The following MICAL3 variants were observed in gnomAD, a reference collection of about 807,000 sequenced individuals.
The protein encoded by MICAL3 is [F-actin]-monooxygenase MICAL3.
Under a neutral mutation model 207.4 loss-of-function variants are expected in MICAL3, and 62 were observed. That is an observed-to-expected ratio of 0.30 (90% confidence interval 0.24 to 0.37). The LOEUF is 0.37. MICAL3 is among the 10% of genes least tolerant of loss of function. MICAL3 has a pLI of 1.00. For synonymous variants in MICAL3, 1,077 were observed against 1,069.3 expected, an observed-to-expected ratio of 1.01 and a Z score of -0.14; for missense variants, 2,368 against 2,635.6, an observed-to-expected ratio of 0.90 and a Z score of 2.22.
At chr22:17,907,220 G>C (rs530414800) in intron 1 of MICAL3, among the ~76,000 whole-genome samples, 9 of 151,806 alleles carry the variant, frequency 5.9e-5, no homozygotes, top group Non-Finnish European at 8.8e-5. Context: ...GGTGGTGAAG[G>C]GGGGGGGTCC....
chr22:17,969,001 T>C (rs1264462334), intron 1 of MICAL3, among the ~76,000 whole-genome samples: 2 of 152,152 alleles, frequency 1.3e-5, no homozygotes, highest in Non-Finnish European at 2.9e-5. Flanking sequence ...ATATGTAAAA[T>C]TCAATGACTT....
chr22:17,911,877 A>C (rs1203864265), intron 1 of MICAL3, among the ~76,000 whole-genome samples: 4 of 88,254 alleles, frequency 4.5e-5, no homozygotes, highest in Non-Finnish European at 7.9e-5. Context: ...ACACTTGATC[A>C]TATTTTCCCT....
Position 17,788,616 on chromosome 22 carries a change from AC to A in MICAL3, c.*2115del, listed in dbSNP as rs2061803623. 1 of 151,794 alleles carries A rather than the reference AC, an allele frequency of 6.6e-6. No individual in the cohort carries two copies. Among genetic ancestry groups the A allele is most frequent in the Non-Finnish European group, 1.5e-5 (1 of 67,980 alleles). 9.4% of individuals were successfully genotyped at this position (151,794 alleles called of 1,614,324 possible). A position where few individuals can be genotyped will look rare whatever the true frequency, so the allele number is the denominator to read the frequency against. On this transcript the variant is annotated 3_prime_UTR_variant, in exon 32 of 32. Transcript: ENST00000441493. ...TGGGGTTTGAAGATGGAATCTAGAA[AC>A]CCTCCTCTCCCCTTTTTTAAGTAAA...
At chr22:17,962,168 C>G (rs908917879) in intron 1 of MICAL3, among the ~76,000 whole-genome samples, 1 of 152,134 alleles carries the variant, frequency 6.6e-6, no homozygotes, top group Non-Finnish European at 1.5e-5. Flanking sequence ...GAGAGGAAAG[C>G]GAGACATCAT....
rs111442335 is a variant in MICAL3, at chr22:17,839,257, C to G, written c.2801+2565G>C. 2.2e-4 allele frequency among the ~76,000 whole-genome samples: 19 copies of G among 88,068 alleles called. No individual in the cohort carries two copies. The East Asian group carries it at 3.1e-3, about 15-fold the overall frequency. 57.8% of individuals were successfully genotyped at this position (88,068 alleles called of 152,430 possible). ...AGCTACCGCACCAGGCCGGGCTCTTCATTTTTTTTTTTTTTTTTGAGACGA... is the reference window on the plus strand; with the variant it reads ...AGCTACCGCACCAGGCCGGGCTCTTGATTTTTTTTTTTTTTTTTGAGACGA... On this transcript the variant is annotated intron_variant, in intron 20 of 31. Transcript: ENST00000441493.
intron 1 of MICAL3, chr22:18,006,536 TA>T (rs1923397636): frequency 6.6e-6 from 1 of 152,198 alleles, no homozygotes; most frequent in African/African-American, 2.4e-5. Context: ...ATTTTCAATT[TA>T]AAAAATATTT....
intron 17 of MICAL3, among the ~76,000 whole-genome samples, chr22:17,870,875 T>G (rs757328060): frequency 1.3e-5 from 2 of 152,208 alleles, no homozygotes; most frequent in Non-Finnish European, 2.9e-5. Flanking sequence ...GGCTCCTTCC[T>G]TGCTCCTTCT....
At chr22:17,962,265 T>C (rs1110663) in intron 1 of MICAL3, among the ~76,000 whole-genome samples, 1 of 151,396 alleles carries the variant, frequency 6.6e-6, no homozygotes, top group Non-Finnish European at 1.5e-5. Flanking sequence ...TGTCCTCAAC[T>C]GGGCAGGCAG....
chr22:17,818,436 CGGACGGGGACCGGGGGGTTGGCAG>C lies in MICAL3; in HGVS notation c.4201_4224del (p.Leu1401_Ser1408del). ...TCCTGGGCGCTGCGTAGCTCTCTGT[CGGACGGGGACCGGGGGGTTGGCAG>C]GGACAACGGCTCGCCTTCCGGCTTT... On this transcript the variant is annotated inframe_deletion, in exon 26 of 32. Coordinates refer to ENST00000441493, the MANE Select transcript of MICAL3 (RefSeq NM_015241.3). 6.2e-7 allele frequency: 1 copy of C among 1,612,716 alleles called. No individual in the cohort carries two copies. The highest frequency in any genetic ancestry group is 1.3e-5 in the African/African-American group (1 of 75,070).
rs1400051677 is a variant in MICAL3 at position 17,789,480 on chromosome 22, G to A, written c.*1252C>T. 1 of 152,248 alleles carries A rather than the reference G, an allele frequency of 6.6e-6. No homozygotes were observed. The highest frequency in any genetic ancestry group is 1.5e-5 in the Non-Finnish European group (1 of 68,058). 9.4% of individuals were successfully genotyped at this position (152,248 alleles called of 1,614,324 possible). ...CTGGGAGGGTGAGAGTGGCAGCTCT[G>A]CTGTTGGCCTGGCCCAAAACAGAAC... On this transcript the variant is annotated 3_prime_UTR_variant, in exon 32 of 32. Transcript: ENST00000441493.
intron 1 of MICAL3, among the ~76,000 whole-genome samples, chr22:17,972,396 T>C (rs1052749904): frequency 7.9e-5 from 12 of 152,082 alleles, no homozygotes; most frequent in African/African-American, 2.9e-4. Flanking sequence ...AAGTAGAAAC[T>C]GAAATCTGGA....
At position 17,817,375 on chromosome 22, in the gene MICAL3, G is replaced by A. The variant is rs772660627; in HGVS notation, c.5286C>T (p.Ser1762=). The A allele has an allele frequency of 6.2e-7, 1 of 1,612,308 alleles. No homozygotes were observed. Among genetic ancestry groups the A allele is most frequent in the Non-Finnish European group, 8.5e-7 (1 of 1,179,594 alleles). ...CCACCGTGGCCCCGCTGGAGGGGGT[G>A]CTGGGGCAGGACTTGTCGTCGGCCT... ...KKKADDKSCP[S]TPSSGATVDS... Residue 1762 remains serine, a synonymous_variant, in exon 26 of 32, where the codon AGC becomes AGT. Transcript: ENST00000441493.
chr22:17,874,709 G>A (rs538646543), intron 16 of MICAL3, among the ~76,000 whole-genome samples: 9 of 152,276 alleles, frequency 5.9e-5, no homozygotes, highest in South Asian at 4.1e-4. Context: ...CGATCCCACC[G>A]CACACCATAC....
intron 24 of MICAL3, 87 bp from the exon 25 acceptor site, chr22:17,821,596 A>T: frequency 9.0e-7 from 1 of 1,114,640 alleles, no homozygotes; most frequent in Non-Finnish European, 1.3e-6. Context: ...CAGAGGGTGG[A>T]GGGGAGGGTA....
intron 25 of MICAL3, among the ~76,000 whole-genome samples, 157 bp from the exon 26 acceptor site, chr22:17,819,286 T>C (rs1322825397): frequency 6.6e-6 from 1 of 152,216 alleles, no homozygotes; most frequent in Non-Finnish European, 1.5e-5. Flanking sequence ...AGGAAAACCC[T>C]TTCCACTTTC....
rs1468729927 is a variant in MICAL3 at position 17,986,888 on chromosome 22, C to T, written c.-75+37393G>A. Among the ~76,000 whole-genome samples the T allele has an allele frequency of 3.3e-5, 5 of 152,094 alleles. No individual in the cohort carries two copies. In the East Asian group the frequency reaches 9.6e-4, roughly 29 times the overall value. On this transcript the variant is annotated intron_variant, in intron 1 of 31. Coordinates refer to ENST00000441493, the MANE Select transcript of MICAL3 (RefSeq NM_015241.3). Reference sequence around the variant, plus strand: ...TCCCATTTATTTCCAAAGTAGATTACACCAATTTAATTCCATTTTATTTTC... The same window carrying T: ...TCCCATTTATTTCCAAAGTAGATTATACCAATTTAATTCCATTTTATTTTC...
intron 29 of MICAL3, among the ~76,000 whole-genome samples, chr22:17,801,114 G>A (rs1177170399): frequency 6.6e-6 from 1 of 151,600 alleles, no homozygotes; most frequent in Admixed American, 6.6e-5. Flanking sequence ...GTGGGGCACT[G>A]TGTGATTCAC....
Position 17,900,711 on chromosome 22 carries a change from T to G in MICAL3, c.847+131A>C. ...ATGCGCTAGGAAGAAGGAACAGGAG[T>G]GAAAAGAGCAGGAGGGGCAGACAGT... On this transcript the variant is annotated intron_variant, in intron 6 of 31. Coordinates refer to ENST00000441493, the MANE Select transcript of MICAL3 (RefSeq NM_015241.3). This position sits in a 1 kb window ranked among gnomAD's most constrained non-coding sequence, Gnocchi z 4.0. 1 of 683,176 alleles carries G rather than the reference T, an allele frequency of 1.5e-6. No homozygotes were observed. The highest frequency in any genetic ancestry group is 2.5e-6 in the Non-Finnish European group (1 of 405,434). The allele number at this position is 683,176 out of a possible 1,614,324, so 42.3% of individuals were successfully genotyped here.
At chr22:17,820,908 TTA>T (rs1252229236) in intron 25 of MICAL3, among the ~76,000 whole-genome samples, 3 of 145,146 alleles carry the variant, frequency 2.1e-5, no homozygotes, top group East Asian at 3.9e-4. Flanking sequence ...TTTAATAAAT[TTA>T]TATTTATAAA....
Sources: gnomAD v4.1 joint callset for allele counts (sites outside exome capture counted in the v4.1 genomes callset) on GRCh38, gnomAD v4.1.1 for gene constraint, Gnocchi (gnomAD v3.1) non-coding constraint, MANE v1.5 for transcripts, NCBI Gene and HGNC (gene_info 2026-07-23, HGNC 2026-07-21) for gene names.